BRSK2: variants seen among roughly 807,000 people sequenced by gnomAD.
BRSK2 encodes the protein BR serine/threonine kinase 2.
Under a neutral mutation model 83.3 loss-of-function variants are expected in BRSK2, and 19 were observed. The ratio of observed to expected loss-of-function variants is 0.23; its 90% CI spans 0.16 to 0.33. The LOEUF is 0.33. Among genes scored for constraint, BRSK2 ranks in the 10% least tolerant of loss-of-function variants. BRSK2 has a pLI of 1.00. For missense variants in BRSK2, 798 were observed against 1,042.3 expected, an observed-to-expected ratio of 0.77 and a Z score of 3.23; for synonymous variants, 519 against 435.4, an observed-to-expected ratio of 1.19 and a Z score of -2.39.
intron 1 of BRSK2, among the ~76,000 whole-genome samples, chr11:1,427,869 C>T (rs1254203224): frequency 1.3e-5 from 2 of 152,234 alleles, no homozygotes; most frequent in African/African-American, 4.8e-5. Context: ...ACACTCCCCA[C>T]TCCCTGCCTC....
intron 12 of BRSK2, chr11:1,447,849 C>T: frequency 1.3e-6 from 2 of 1,596,970 alleles, no homozygotes; most frequent in South Asian, 1.1e-5. Flanking sequence ...ATCCCCAATT[C>T]AGCAAAGAAG....
chr11:1,433,721 T>C lies in BRSK2; in HGVS notation c.92-2319T>C, dbSNP rs546984332. 3.9e-5 allele frequency among the ~76,000 whole-genome samples: 6 copies of C among 152,326 alleles called. No homozygotes were observed. The South Asian group carries it at 1.2e-3, about 32-fold the overall frequency. On this transcript the variant is annotated intron_variant, in intron 1 of 19. Coordinates refer to ENST00000528841, the MANE Select transcript of BRSK2 (RefSeq NM_001256627.2). ...ATGAAGGGCTCTAGGCCCTCCTGAG[T>C]GCTCCTCCGGCTGAGCGAATCACAA...
chr11:1,445,080 G>T, intron 9 of BRSK2, 78 bp downstream of exon 9: 1 of 1,563,122 alleles, frequency 6.4e-7, no homozygotes, highest in Non-Finnish European at 8.8e-7. Flanking sequence ...AAAGGCGGGG[G>T]GAGGGCGCCG....
chr11:1,451,539 C>A, intron 15 of BRSK2, 120 bp downstream of exon 15: 2 of 1,051,238 alleles, frequency 1.9e-6, no homozygotes, highest in Admixed American at 1.8e-5. Context: ...CCACCTCCCA[C>A]TGCAGGCAGG....
At chr11:1,448,413 G>T (rs1423266567) in intron 12 of BRSK2, among the ~76,000 whole-genome samples, 1 of 152,236 alleles carries the variant, frequency 6.6e-6, no homozygotes, top group African/African-American at 2.4e-5. Context: ...ACCCTCACCT[G>T]TGTGCCCTCA....
chr11:1,446,027 T>C (rs1852005442), intron 12 of BRSK2, 120 bp downstream of exon 12: 8 of 1,342,276 alleles, frequency 6.0e-6, no homozygotes, highest in Middle Eastern at 2.7e-4. Flanking sequence ...GGTGGGGCTG[T>C]ATGGGCTAAA....
intron 1 of BRSK2, among the ~76,000 whole-genome samples, chr11:1,396,072 C>A (rs895900065): frequency 1.3e-5 from 2 of 152,190 alleles, no homozygotes; most frequent in Non-Finnish European, 2.9e-5. Flanking sequence ...TCCCCACCAT[C>A]GTTGGCTGCC....
chr11:1,396,313 T>C, intron 1 of BRSK2, among the ~76,000 whole-genome samples: 1 of 151,172 alleles, frequency 6.6e-6, no homozygotes, highest in African/African-American at 2.4e-5. Context: ...TACAGCCGCC[T>C]CGAGGACTGC....
At position 1,392,997 on chromosome 11, in the gene BRSK2, C is replaced by T. The variant is rs922789525; in HGVS notation, c.91+2622C>T. On this transcript the variant is annotated intron_variant, in intron 1 of 19. Coordinates refer to ENST00000528841, the MANE Select transcript of BRSK2 (RefSeq NM_001256627.2). Reference sequence around the variant, plus strand: ...CTCCTCGCCGGCTGCTTGGTGGTTTCTGGCCAAGACTTAGGGGGATGTAGG... The same window carrying T: ...CTCCTCGCCGGCTGCTTGGTGGTTTTTGGCCAAGACTTAGGGGGATGTAGG... 3.3e-5 allele frequency among the ~76,000 whole-genome samples: 5 copies of T among 152,144 alleles called. 1 individual carries two copies. In the South Asian group the frequency reaches 6.2e-4, roughly 19 times the overall value.
intron 19 of BRSK2, 140 bp from the exon 20 acceptor site, chr11:1,460,360 T>G: frequency 8.3e-6 from 8 of 969,100 alleles, no homozygotes; most frequent in Admixed American, 3.5e-5. Context: ...CATCTCTGGG[T>G]TCTTTCCCTC....
intron 1 of BRSK2, among the ~76,000 whole-genome samples, chr11:1,422,173 G>A (rs1848696643): frequency 6.6e-6 from 1 of 152,190 alleles, no homozygotes; most frequent in African/African-American, 2.4e-5. Context: ...CCTCACGGGA[G>A]CATGCAGGTG....
chr11:1,396,600 G>A (rs887984789), intron 1 of BRSK2, among the ~76,000 whole-genome samples: 18 of 152,222 alleles, frequency 1.2e-4, no homozygotes, highest in South Asian at 1.0e-3. Flanking sequence ...AGGAGGAGCC[G>A]TCGGGAAGGC....
chr11:1,447,971 G>A (rs934734450), intron 12 of BRSK2: 1 of 1,121,912 alleles, frequency 8.9e-7, no homozygotes, highest in South Asian at 1.3e-5. Context: ...GGGCTGCAGG[G>A]CTCCTGCTGC....
At chr11:1,446,016 G>A in intron 12 of BRSK2, 109 bp downstream of exon 12, 1 of 1,405,338 alleles carries the variant, frequency 7.1e-7, no homozygotes, top group Non-Finnish European at 9.4e-7. Flanking sequence ...TGAGGCCATT[G>A]GGTGGGGCTG....
At chr11:1,428,082 G>A (rs899821018) in intron 1 of BRSK2, among the ~76,000 whole-genome samples, 1 of 152,138 alleles carries the variant, frequency 6.6e-6, no homozygotes, top group Non-Finnish European at 1.5e-5. Flanking sequence ...CTAGGCATAG[G>A]GGCAGCAAGT....
intron 1 of BRSK2, among the ~76,000 whole-genome samples, chr11:1,394,796 GAT>G (rs1380393191): frequency 3.2e-5 from 3 of 93,004 alleles, no homozygotes; most frequent in Non-Finnish European, 6.8e-5. Flanking sequence ...GGGTCCTGGA[GAT>G]GGGTCCTGGA....
At chr11:1,393,415 C>T (rs767271534) in intron 1 of BRSK2, among the ~76,000 whole-genome samples, 3 of 151,970 alleles carry the variant, frequency 2.0e-5, no homozygotes, top group Non-Finnish European at 4.4e-5. Context: ...CTGCATGGGA[C>T]GATGAGGGGC....
chr11:1,438,000 C>G (rs979482866), intron 2 of BRSK2, among the ~76,000 whole-genome samples: 5 of 152,138 alleles, frequency 3.3e-5, no homozygotes, highest in African/African-American at 1.2e-4. Context: ...CCAGCCAGGG[C>G]CCCAGCTGAG....
At chr11:1,457,937 AAGG>A (rs1332718485) in intron 18 of BRSK2, among the ~76,000 whole-genome samples, 2 of 152,126 alleles carry the variant, frequency 1.3e-5, no homozygotes, top group Non-Finnish European at 2.9e-5. Context: ...CACAGCGGGT[AAGG>A]AGGAGCAGGG....
Sources: allele counts gnomAD v4.1 joint callset (sites outside exome capture counted in the v4.1 genomes callset), GRCh38; gene constraint gnomAD v4.1.1; transcripts MANE v1.5; gene names NCBI Gene and HGNC (gene_info 2026-07-23, HGNC 2026-07-21).